The following PLEKHA2 variants were observed in gnomAD, a reference collection of about 807,000 sequenced individuals.
PLEKHA2 encodes pleckstrin homology domain-containing family A member 2.
Under a neutral mutation model 53.2 loss-of-function variants are expected in PLEKHA2, and 28 were observed. The observed-to-expected ratio is 0.53, with a 90% confidence interval of 0.39 to 0.72. The LOEUF (loss-of-function observed/expected upper bound fraction) is 0.72. Ranked by LOEUF, PLEKHA2 falls within the 30% of genes least tolerant of loss-of-function variation. The pLI is 0.00. For synonymous variants in PLEKHA2, 193 were observed against 196.4 expected (o/e 0.98, Z 0.14); for missense variants, 426 against 537.9 (o/e 0.79, Z 2.06).
chr8:38,938,963 G>C (rs888632425), intron 3 of PLEKHA2, among the ~76,000 whole-genome samples: 7 of 151,416 alleles, frequency 4.6e-5, no homozygotes, highest in African/African-American at 1.7e-4. Flanking sequence ...GAGTGCAATG[G>C]TGCAATCTCG....
chr8:38,938,926 CAA>C (rs1224120437), intron 3 of PLEKHA2, among the ~76,000 whole-genome samples: 1 of 145,854 alleles, frequency 6.9e-6, no homozygotes, highest in African/African-American at 2.6e-5. Flanking sequence ...AAATTTGAGA[CAA>C]AGTCTTGCTC....
intron 10 of PLEKHA2, among the ~76,000 whole-genome samples, chr8:38,957,675 C>T (rs34124032): frequency 0.31 from 46,410 of 152,062 alleles, 7,097 homozygotes; most frequent in Middle Eastern, 0.41. Context: ...AAAGGAGAAC[C>T]GGTCAATGAT....
intron 9 of PLEKHA2, among the ~76,000 whole-genome samples, chr8:38,954,172 C>T (rs1834894670): frequency 6.6e-6 from 1 of 152,162 alleles, no homozygotes; most frequent in Non-Finnish European, 1.5e-5. Flanking sequence ...CACAGCAGGC[C>T]GACTCTTCTC....
intron 6 of PLEKHA2, 99 bp downstream of exon 6, chr8:38,951,089 G>A (rs1449944287): frequency 2.2e-6 from 2 of 921,474 alleles, no homozygotes; most frequent in Non-Finnish European, 3.1e-6. Flanking sequence ...GAAAAGGAGG[G>A]TGGGAGTGGG....
At chr8:38,934,730 G>A (rs1478910569) in intron 2 of PLEKHA2, among the ~76,000 whole-genome samples, 1 of 152,114 alleles carries the variant, frequency 6.6e-6, no homozygotes, top group Non-Finnish European at 1.5e-5. Flanking sequence ...CTGCTGTCGT[G>A]ATAGTGCATT....
chr8:38,952,942 T>C (rs1482451392), intron 8 of PLEKHA2, among the ~76,000 whole-genome samples: 1 of 152,194 alleles, frequency 6.6e-6, no homozygotes, highest in African/African-American at 2.4e-5. Context: ...TTATATTTTT[T>C]TGTCTTTTTT....
chr8:38,905,685 CTT>C (rs5891048), intron 1 of PLEKHA2, among the ~76,000 whole-genome samples: 5 of 117,612 alleles, frequency 4.3e-5, no homozygotes, highest in Admixed American at 2.0e-4. Context: ...TGTGTTTTTG[CTT>C]TTTTTTTTTT....
intron 2 of PLEKHA2, among the ~76,000 whole-genome samples, chr8:38,929,581 C>G (rs981799712): frequency 2.6e-5 from 4 of 152,186 alleles, no homozygotes; most frequent in African/African-American, 7.2e-5. Flanking sequence ...TTCACCTGCC[C>G]CATCCTTAGT....
At chr8:38,934,083 A>C (rs1834447009) in intron 2 of PLEKHA2, among the ~76,000 whole-genome samples, 1 of 151,916 alleles carries the variant, frequency 6.6e-6, no homozygotes, top group Non-Finnish European at 1.5e-5. Flanking sequence ...GGTTAGAAGG[A>C]CTCTTCCCTA....
chr8:38,949,351 C>G (rs979322671), intron 5 of PLEKHA2, among the ~76,000 whole-genome samples: 3 of 152,122 alleles, frequency 2.0e-5, no homozygotes, highest in African/African-American at 7.2e-5. Context: ...TGACATTTGA[C>G]CCCTGGCCTC....
chr8:38,916,486 T>A (rs975119285), intron 1 of PLEKHA2, among the ~76,000 whole-genome samples: 1 of 152,192 alleles, frequency 6.6e-6, no homozygotes, highest in African/African-American at 2.4e-5. Context: ...GATTTGATTT[T>A]TAGATCCCAT....
intron 1 of PLEKHA2, among the ~76,000 whole-genome samples, chr8:38,905,980 G>A (rs1792331137): frequency 6.6e-6 from 1 of 152,202 alleles, no homozygotes; most frequent in African/African-American, 2.4e-5. Context: ...CACTGTGCCC[G>A]GCCAGGAGAA....
At chr8:38,913,750 C>T (rs1360368772) in intron 1 of PLEKHA2, among the ~76,000 whole-genome samples, 1 of 152,198 alleles carries the variant, frequency 6.6e-6, no homozygotes, top group Non-Finnish European at 1.5e-5. Context: ...GCTCCCCCGC[C>T]CCCAGCCAGC....
intron 10 of PLEKHA2, among the ~76,000 whole-genome samples, chr8:38,958,922 T>C (rs968440981): frequency 4.6e-5 from 7 of 152,052 alleles, no homozygotes; most frequent in Non-Finnish European, 8.8e-5. Flanking sequence ...CTGGGGGAGA[T>C]GGAGCACAGG....
At chr8:38,931,230 A>G (rs1834387558) in intron 2 of PLEKHA2, among the ~76,000 whole-genome samples, 1 of 152,182 alleles carries the variant, frequency 6.6e-6, no homozygotes, top group Non-Finnish European at 1.5e-5. Context: ...GTGAGCCGAG[A>G]TCATGCCACT....
At chr8:38,960,401 C>A in intron 10 of PLEKHA2, among the ~76,000 whole-genome samples, 1 of 152,112 alleles carries the variant, frequency 6.6e-6, no homozygotes. Context: ...AGAGTTTGAG[C>A]CCTGGAGTTT....
intron 1 of PLEKHA2, among the ~76,000 whole-genome samples, chr8:38,916,958 A>C (rs909715661): frequency 1.6e-4 from 24 of 152,260 alleles, no homozygotes; most frequent in African/African-American, 4.6e-4. Context: ...TTTGGATAAA[A>C]GCCATTTTCA....
intron 2 of PLEKHA2, among the ~76,000 whole-genome samples, chr8:38,930,576 A>C (rs895430622): frequency 5.3e-5 from 8 of 152,102 alleles, no homozygotes; most frequent in Non-Finnish European, 1.0e-4. Flanking sequence ...AAGTCCACCA[A>C]ATGTACAGAC....
At position 38,969,618 on chromosome 8, in the gene PLEKHA2, A is replaced by G. The variant is rs1412028309; in HGVS notation, c.1113A>G (p.Gly371=). 2 of 1,605,560 alleles carry G rather than the reference A, an allele frequency of 1.2e-6. No homozygotes were observed. The highest frequency in any genetic ancestry group is 3.4e-5 in the Admixed American group (2 of 58,588). Residue 371 remains glycine, a synonymous_variant, in exon 12 of 12, where the codon GGA becomes GGG. Transcript: ENST00000617275. ...PQAGEKLLPP[G]DTSEDSLFTP... The stretch of plus-strand genomic sequence containing the variant: ...CTGGGGAGAAGCTGCTTCCACCTGG[A>G]GACACTTCAGAGGACTCCTTGTTCA...
Sources: allele counts gnomAD v4.1 joint callset (sites outside exome capture counted in the v4.1 genomes callset), GRCh38; gene constraint gnomAD v4.1.1; transcripts MANE v1.5; gene names NCBI Gene and HGNC (gene_info 2026-07-23, HGNC 2026-07-21).